PCNX2: variants seen among roughly 807,000 people sequenced by gnomAD.
PCNX2 encodes pecanex 2.
PCNX2 carries 168 observed loss-of-function variants against 223.8 expected under a neutral mutation model. That is an observed-to-expected ratio of 0.75 (90% CI 0.66 to 0.85). The LOEUF is 0.85. Ranked by LOEUF, PCNX2 falls within the 40% of genes least tolerant of loss-of-function variation. PCNX2 has a pLI of 0.00. For missense variants in PCNX2, 2,507 were observed against 2,675.5 expected, an observed-to-expected ratio of 0.94 and a Z score of 1.39; for synonymous variants, 1,006 against 1,052.6, an observed-to-expected ratio of 0.96 and a Z score of 0.86.
chr1:233,091,543 T>C (rs1673870945), intron 22 of PCNX2, among the ~76,000 whole-genome samples: 1 of 151,994 alleles, frequency 6.6e-6, no homozygotes, highest in African/African-American at 2.4e-5. Flanking sequence ...GTCCACACTT[T>C]CACATACATT....
chr1:233,131,218 G>T (rs189916901), intron 21 of PCNX2, among the ~76,000 whole-genome samples: 5 of 152,056 alleles, frequency 3.3e-5, no homozygotes, highest in Non-Finnish European at 5.9e-5. Flanking sequence ...CATCTGCAGT[G>T]GTCAGAGGAC....
intron 13 of PCNX2, among the ~76,000 whole-genome samples, chr1:233,205,339 T>C (rs1015471206): frequency 2.6e-5 from 4 of 152,222 alleles, no homozygotes; most frequent in East Asian, 3.8e-4. Flanking sequence ...TATAGCCTTA[T>C]CTGACTTATG....
intron 20 of PCNX2, among the ~76,000 whole-genome samples, chr1:233,138,181 T>C (rs1676917135): frequency 6.6e-6 from 1 of 152,068 alleles, no homozygotes; most frequent in East Asian, 1.9e-4. Context: ...CATCTGGGAG[T>C]TGAGGATATT....
intron 17 of PCNX2, chr1:233,172,411 C>G: frequency 1.0e-6 from 1 of 985,390 alleles, no homozygotes; most frequent in African/African-American, 1.7e-5. Flanking sequence ...TGAACTTGTG[C>G]TGCAAATCCA....
At chr1:233,166,917 A>T (rs945525013) in intron 17 of PCNX2, among the ~76,000 whole-genome samples, 2 of 152,092 alleles carry the variant, frequency 1.3e-5, no homozygotes, top group Admixed American at 6.6e-5. Flanking sequence ...CGAGGTGGCA[A>T]GATTGCTTGA....
At chr1:233,048,176 G>C (rs1187482636) in intron 25 of PCNX2, among the ~76,000 whole-genome samples, 1 of 152,166 alleles carries the variant, frequency 6.6e-6, no homozygotes, top group Non-Finnish European at 1.5e-5. Context: ...ATAAAAACAG[G>C]CTGCACATGG....
rs372084446 is a variant in PCNX2 at position 233,236,911 on chromosome 1, G to A, written c.2292C>T (p.Ala764=). The A allele has an allele frequency of 1.3e-5, 21 of 1,613,862 alleles. No homozygotes were observed. Among genetic ancestry groups the A allele is most frequent in the African/African-American group, 4.0e-5 (3 of 74,914 alleles). The change falls in exon 9 of 34, where the codon GCC becomes GCT. Residue 764 remains alanine (A), a synonymous_variant. Coordinates refer to ENST00000258229, the MANE Select transcript of PCNX2 (RefSeq NM_014801.4). ...ESQDPSSGDP[A]VSALQQQLLL... ...ACAGCTGTTGCTGAAGGGCACTGAC[G>A]GCAGGGTCCCCAGAAGACGGATCTT... is the stretch of plus-strand genomic sequence containing the variant.
At chr1:233,264,361 G>C (rs58051714) in intron 1 of PCNX2, among the ~76,000 whole-genome samples, 1 of 152,138 alleles carries the variant, frequency 6.6e-6, no homozygotes, top group Non-Finnish European at 1.5e-5. Context: ...CCAGTGATCC[G>C]TGTAGCTGGT....
At chr1:233,168,289 G>A (rs1678922772) in intron 17 of PCNX2, among the ~76,000 whole-genome samples, 1 of 152,040 alleles carries the variant, frequency 6.6e-6, no homozygotes, top group Non-Finnish European at 1.5e-5. Context: ...GACATTAACA[G>A]TATTAGTATT....
At chr1:233,310,349 A>T in the PCNX2 span, among the ~76,000 whole-genome samples, 1 of 152,236 alleles carries the variant, frequency 6.6e-6, no homozygotes, top group Non-Finnish European at 1.5e-5. Context: ...TACCAATAGG[A>T]TCCAAAAAGG....
chr1:233,185,706 A>C (rs1680058704), intron 15 of PCNX2, among the ~76,000 whole-genome samples: 1 of 152,242 alleles, frequency 6.6e-6, no homozygotes, highest in African/African-American at 2.4e-5. Flanking sequence ...ACAAATGTAT[A>C]TCTAAAGATA....
In PCNX2 at chr1:233,252,779, G is replaced by C. The variant is rs1474182206; in HGVS notation, c.1844C>G (p.Ser615Cys). Reference sequence around the variant, plus strand: ...CAGGATTTCCTCCTTTTTTTCCTGGGAACAGTTATCTGAAAAACATTGCTT... The same window carrying C: ...CAGGATTTCCTCCTTTTTTTCCTGGCAACAGTTATCTGAAAAACATTGCTT... ...EESGLLRDNCSQEKKEEILEN... is the reference protein window; with the variant it reads ...EESGLLRDNCCQEKKEEILEN... The change falls in exon 6 of 34, where the codon TCC becomes TGC. Residue 615 changes from serine (S) to cysteine (C), a missense_variant. Physicochemically the swap from Ser to Cys is moderately radical, Grantham distance 112. Transcript: ENST00000258229. 6.2e-7 allele frequency: 1 copy of C among 1,607,100 alleles called. No homozygotes were observed. The highest frequency in any genetic ancestry group is 1.3e-5 in the African/African-American group (1 of 74,580).
chr1:233,230,264 A>C (rs1657985242), intron 9 of PCNX2, among the ~76,000 whole-genome samples: 1 of 152,144 alleles, frequency 6.6e-6, no homozygotes, highest in Non-Finnish European at 1.5e-5. Context: ...TCCTGGGAGA[A>C]GGCATGGAGT....
chr1:233,307,935 C>T, the PCNX2 span, among the ~76,000 whole-genome samples: 1 of 152,316 alleles, frequency 6.6e-6, no homozygotes, highest in East Asian at 1.9e-4. Context: ...CATGTGAGAA[C>T]TCAGAAGACA....
intron 15 of PCNX2, among the ~76,000 whole-genome samples, chr1:233,194,703 C>T (rs1680619748): frequency 6.6e-6 from 1 of 151,932 alleles, no homozygotes; most frequent in South Asian, 2.1e-4. Flanking sequence ...AATGTCAAAA[C>T]AAGACAAAGC....
chr1:233,180,493 A>G (rs1482814156), intron 15 of PCNX2, among the ~76,000 whole-genome samples: 6 of 152,104 alleles, frequency 3.9e-5, no homozygotes. Flanking sequence ...GAATTTAGTC[A>G]AGAACTTAAA....
At chr1:233,127,527 C>A (rs1363974163) in intron 21 of PCNX2, among the ~76,000 whole-genome samples, 1 of 152,096 alleles carries the variant, frequency 6.6e-6, no homozygotes, top group Non-Finnish European at 1.5e-5. Flanking sequence ...CCTCCCTTAT[C>A]ATCCTTTCTT....
At position 233,295,583 on chromosome 1, in the gene PCNX2, C is replaced by T; in HGVS notation, c.-105G>A. ...AACACCCGGGCCCGCGGGCCGCGCC[C>T]CCGCCGTCGCCGCCGCCGTCGCCCC... On this transcript the variant is annotated 5_prime_UTR_variant, in exon 1 of 34. Transcript: ENST00000258229. This position sits in a 1 kb window ranked among gnomAD's most constrained non-coding sequence, Gnocchi z 4.1. The T allele has an allele frequency of 8.3e-7, 1 of 1,198,144 alleles. No homozygotes were observed. Among genetic ancestry groups the T allele is most frequent in the Non-Finnish European group, 1.1e-6 (1 of 943,450 alleles). The allele number at this position is 1,198,144 out of a possible 1,614,324, so 74.2% of individuals were successfully genotyped here.
rs776531194 is a variant in PCNX2, at chr1:232,986,500, T to C, written c.5832A>G (p.Ser1944=). The C allele has an allele frequency of 6.3e-7, 1 of 1,576,244 alleles. No individual in the cohort carries two copies. Among genetic ancestry groups the C allele is most frequent in the Admixed American group, 1.8e-5 (1 of 56,224 alleles). The change falls in exon 33 of 34, where the codon TCA becomes TCG. Residue 1944 remains serine (S), a synonymous_variant. Coordinates refer to ENST00000258229, the MANE Select transcript of PCNX2 (RefSeq NM_014801.4). ...GCATGGGCGGCCTTTGGCTTAGCGC[T>C]GAGTGTGCCTGCACGGACTGGCTCC... The part of the protein sequence containing the change: ...KGRSQSVQAH[S]ALSQRPPMLS...
Sources: gnomAD v4.1 joint callset for allele counts (sites outside exome capture counted in the v4.1 genomes callset) on GRCh38, gnomAD v4.1.1 for gene constraint, Gnocchi (gnomAD v3.1) non-coding constraint, MANE v1.5 for transcripts, NCBI Gene and HGNC (gene_info 2026-07-23, HGNC 2026-07-21) for gene names.